The following TRA2A variants were observed in gnomAD, a reference collection of about 807,000 sequenced individuals.
TRA2A encodes transformer 2 alpha homolog.
In TRA2A, 31 loss-of-function variants were observed where a neutral mutation model predicts 45.7. The observed-to-expected ratio is 0.68, with a 90% CI of 0.51 to 0.92. TRA2A has a LOEUF of 0.92. TRA2A is among the 40% of genes least tolerant of loss of function. TRA2A has a pLI of 0.00. For synonymous variants in TRA2A, 132 were observed against 126.2 expected, an observed-to-expected ratio of 1.05 and a Z score of -0.31; for missense variants, 304 against 367.5, an observed-to-expected ratio of 0.83 and a Z score of 1.41.
intron 1 of TRA2A, chr7:23,522,320 C>T: frequency 8.4e-7 from 1 of 1,195,802 alleles, no homozygotes; most frequent in Non-Finnish European, 1.1e-6. Flanking sequence ...CAATTTTTTC[C>T]CCCATTCAAT....
intron 4 of TRA2A, among the ~76,000 whole-genome samples, chr7:23,508,544 G>C (rs2127991251): frequency 6.6e-6 from 1 of 152,284 alleles, no homozygotes; most frequent in South Asian, 2.1e-4. Flanking sequence ...GCACAGGCTG[G>C]AGTGCAATGG....
At chr7:23,515,037 T>A (rs1440129713) in intron 3 of TRA2A, among the ~76,000 whole-genome samples, 1 of 152,126 alleles carries the variant, frequency 6.6e-6, no homozygotes, top group Non-Finnish European at 1.5e-5. Context: ...ATTTTTTTTA[T>A]ATATAACATA....
At position 23,505,585 on chromosome 7, in the gene TRA2A, C is replaced by CA. The variant is rs5882904; in HGVS notation, c.839-17dup. The CA allele has an allele frequency of 0.36, 87,165 of 239,874 alleles. 13,117 individuals carry two copies. Among genetic ancestry groups the CA allele is most frequent in the Admixed American group, 0.46 (4,330 of 9,388 alleles). 14.9% of individuals were successfully genotyped at this position (239,874 alleles called of 1,614,324 possible). ...CAATAGCGTCCTAAAAGAGAAAAAG[C>CA]AAAAAAAAAAAAAAAAAAAAAAAGT... On this transcript the variant is annotated splice_polypyrimidine_tract_variant and intron_variant, in intron 7 of 7. Coordinates refer to ENST00000297071, the MANE Select transcript of TRA2A (RefSeq NM_013293.5).
chr7:23,528,541 GT>G (rs1257094996), intron 1 of TRA2A, among the ~76,000 whole-genome samples: 1 of 152,054 alleles, frequency 6.6e-6, no homozygotes, highest in African/African-American at 2.4e-5. Flanking sequence ...ACAGGCCTGG[GT>G]TTTGATAGTC....
At chr7:23,509,482 T>C (rs185950178) in intron 4 of TRA2A, among the ~76,000 whole-genome samples, 279 of 152,312 alleles carry the variant, frequency 1.8e-3, no homozygotes, top group Non-Finnish European at 3.4e-3. Flanking sequence ...ACACCTGTAC[T>C]CCCAGCACTT....
chr7:23,515,895 C>G (rs1390818737), intron 3 of TRA2A, among the ~76,000 whole-genome samples: 3 of 151,782 alleles, frequency 2.0e-5, no homozygotes, highest in Non-Finnish European at 4.4e-5. Context: ...ATACTCCCGG[C>G]CAGGCATGGT....
At position 23,527,018 on chromosome 7, in the gene TRA2A, T is replaced by A. The variant is rs2054653923; in HGVS notation, c.36+4771A>T. Among the ~76,000 whole-genome samples the A allele has an allele frequency of 2.0e-5, 3 of 152,142 alleles. No individual in the cohort carries two copies. The South Asian group carries it at 6.2e-4, about 31-fold the overall frequency. ...AACGTGGTTCATAAGTCTCATAGCT[T>A]ATATATCCTGATCAATTGTAATGTT... On this transcript the variant is annotated intron_variant, in intron 1 of 7. Coordinates refer to ENST00000297071, the MANE Select transcript of TRA2A (RefSeq NM_013293.5).
At chr7:23,514,322 C>T (rs1425466181) in intron 3 of TRA2A, among the ~76,000 whole-genome samples, 1 of 152,090 alleles carries the variant, frequency 6.6e-6, no homozygotes, top group African/African-American at 2.4e-5. Context: ...CCCCACCCGG[C>T]CTAGCAGATA....
chr7:23,509,492 T>G (rs1789497000), intron 4 of TRA2A, among the ~76,000 whole-genome samples: 2 of 152,108 alleles, frequency 1.3e-5, no homozygotes, highest in African/African-American at 2.4e-5. Context: ...TCCCAGCACT[T>G]TGGGAGGCCA....
chr7:23,511,582 G>A (rs981976454), intron 4 of TRA2A, among the ~76,000 whole-genome samples: 1 of 151,702 alleles, frequency 6.6e-6, no homozygotes, highest in African/African-American at 2.4e-5. Flanking sequence ...TCAACTTTTA[G>A]TAAAGAGTAA....
At chr7:23,527,872 T>A (rs1562802368) in intron 1 of TRA2A, among the ~76,000 whole-genome samples, 1 of 152,200 alleles carries the variant, frequency 6.6e-6, no homozygotes, top group African/African-American at 2.4e-5. Flanking sequence ...CATCCTTCAG[T>A]GAAAGAACCT....
intron 1 of TRA2A, among the ~76,000 whole-genome samples, chr7:23,523,978 C>T (rs1326343556): frequency 1.3e-5 from 2 of 152,308 alleles, no homozygotes; most frequent in Admixed American, 6.5e-5. Flanking sequence ...TATCTACGAA[C>T]GCTGCTACAG....
chr7:23,531,955 C>A lies in TRA2A; in HGVS notation c.-131G>T, dbSNP rs927544685. The A allele has an allele frequency of 2.1e-6, 2 of 972,488 alleles. No individual in the cohort carries two copies. Among genetic ancestry groups the A allele is most frequent in the East Asian group, 2.5e-5 (1 of 39,558 alleles). The allele number at this position is 972,488 out of a possible 1,614,324, so 60.2% of individuals were successfully genotyped here. A position where few individuals can be genotyped will look rare whatever the true frequency, so the allele number is the denominator to read the frequency against. ...CAACCACAGCCGCTCCACTCCACTC[C>A]CACTCGGTCGCAGGCTCCAGCAAAA... On this transcript the variant is annotated 5_prime_UTR_variant, in exon 1 of 8. Transcript: ENST00000297071.
intron 1 of TRA2A, among the ~76,000 whole-genome samples, chr7:23,527,947 G>GGAGA (rs1790406885): frequency 6.6e-6 from 1 of 151,962 alleles, no homozygotes; most frequent in African/African-American, 2.4e-5. Flanking sequence ...AAATGGAAGG[G>GGAGA]GAGAGGAGAA....
chr7:23,508,785 C>T (rs758804064), intron 4 of TRA2A, among the ~76,000 whole-genome samples: 70 of 152,178 alleles, frequency 4.6e-4, no homozygotes, highest in Non-Finnish European at 8.7e-4. Context: ...TAAGCCACCA[C>T]GCCTGGCCTG....
intron 1 of TRA2A, among the ~76,000 whole-genome samples, chr7:23,526,681 T>A (rs17148147): frequency 0.02 from 2,995 of 152,260 alleles, 33 homozygotes; most frequent in South Asian, 0.044. Flanking sequence ...TTCCATTATC[T>A]TCTTAAACCG....
intron 2 of TRA2A, among the ~76,000 whole-genome samples, chr7:23,519,263 G>T (rs1028199240): frequency 6.6e-6 from 1 of 152,060 alleles, no homozygotes; most frequent in Non-Finnish European, 1.5e-5. Context: ...TGTTGGTGGC[G>T]TGTGCCTGTA....
chr7:23,531,237 A>G (rs1790568295), intron 1 of TRA2A: 3 of 986,868 alleles, frequency 3.0e-6, no homozygotes, highest in Non-Finnish European at 3.6e-6. Context: ...TTTAGACGCA[A>G]CGCCGCCGGT....
At chr7:23,512,344 C>T (rs1789661014) in intron 4 of TRA2A, among the ~76,000 whole-genome samples, 1 of 152,154 alleles carries the variant, frequency 6.6e-6, no homozygotes, top group Non-Finnish European at 1.5e-5. Flanking sequence ...ATTATCTGGG[C>T]ATGGTGGCCC....
Sources: allele counts gnomAD v4.1 joint callset (sites outside exome capture counted in the v4.1 genomes callset), GRCh38; gene constraint gnomAD v4.1.1; transcripts MANE v1.5; gene names NCBI Gene and HGNC (gene_info 2026-07-23, HGNC 2026-07-21).